The following CASR variants were observed in gnomAD, a reference collection of about 807,000 sequenced individuals.
CASR encodes extracellular calcium-sensing receptor.
CASR carries 23 observed loss-of-function variants against 69.1 expected under a neutral mutation model. That is an observed-to-expected ratio of 0.33 (90% CI 0.24 to 0.47). The LOEUF is 0.47. Among genes scored for constraint, CASR ranks in the 20% least tolerant of loss-of-function variants. CASR has a pLI of 1.00. For synonymous variants in CASR, 541 were observed against 544.7 expected, an observed-to-expected ratio of 0.99 and a Z score of 0.10; for missense variants, 924 against 1,356.1, an observed-to-expected ratio of 0.68 and a Z score of 5.00.
chr3:122,191,699 G>C (rs542962891), intron 1 of CASR, among the ~76,000 whole-genome samples: 3 of 152,094 alleles, frequency 2.0e-5, no homozygotes. Context: ...AAGCCAAAAG[G>C]TTCAAATTTG....
chr3:122,263,920 CTT>C (rs2074656911), intron 4 of CASR, among the ~76,000 whole-genome samples: 1 of 152,120 alleles, frequency 6.6e-6, no homozygotes, highest in Non-Finnish European at 1.5e-5. Context: ...TTACTATTGT[CTT>C]TTCTTTCTTA....
rs775628717 is a variant in CASR, at chr3:122,257,161, C to G, written c.266C>G (p.Pro89Arg). 3 of 1,614,038 alleles carry G rather than the reference C, an allele frequency of 1.9e-6. No homozygotes were observed. The African/African-American group carries it at 4.0e-5, about 22-fold the overall frequency. The change falls in exon 3 of 7, where the codon CCC becomes CGC. Residue 89 changes from proline to arginine, a missense_variant. Physicochemically the swap from Pro to Arg is moderately radical, Grantham distance 103 (BLOSUM62 -2). Around this residue, in one of 8 missense-constraint regions of CASR, gnomAD observed 141 missense variants for 283.0 expected, o/e 0.50. Transcript: ENST00000639785. ...EEINSSPALL[P>R]NLTLGYRIFD... ...ATAAACAGCAGCCCAGCCCTTCTTC[C>G]CAACTTGACGCTGGGATACAGGATA... is the stretch of plus-strand genomic sequence containing the variant.
At chr3:122,202,986 G>A (rs1023620725) in intron 1 of CASR, among the ~76,000 whole-genome samples, 5 of 152,168 alleles carry the variant, frequency 3.3e-5, no homozygotes, top group African/African-American at 1.2e-4. Context: ...CTGCTTCTGA[G>A]CTCTGTTCTG....
At chr3:122,259,120 C>A (rs2107629529) in intron 3 of CASR, among the ~76,000 whole-genome samples, 1 of 152,122 alleles carries the variant, frequency 6.6e-6, no homozygotes, top group Admixed American at 6.5e-5. Flanking sequence ...GGGGTTGGGG[C>A]ACAAAATGGT....
rs1389988414 is a variant in CASR, at chr3:122,284,036, C to T, written c.2082C>T (p.Cys694=). The T allele has an allele frequency of 6.2e-7, 1 of 1,614,068 alleles. No homozygotes were observed. The highest frequency in any genetic ancestry group is 1.3e-5 in the African/African-American group (1 of 74,940). ...FGISFVLCIS[C]ILVKTNRVLL... ...TCAGCTTCGTGCTCTGCATCTCATG[C>T]ATCCTGGTGAAAACCAACCGTGTCC... Residue 694 remains cysteine (C), a synonymous_variant, in exon 7 of 7, where the codon TGC becomes TGT. Transcript: ENST00000639785.
At chr3:122,226,847 C>T (rs541185253) in intron 1 of CASR, among the ~76,000 whole-genome samples, 7 of 150,566 alleles carry the variant, frequency 4.6e-5, no homozygotes, top group Non-Finnish European at 7.4e-5. Context: ...TGCATTCACA[C>T]ACCCTGAGCT....
chr3:122,193,632 T>G (rs1014841660), intron 1 of CASR, among the ~76,000 whole-genome samples: 2 of 152,220 alleles, frequency 1.3e-5, no homozygotes, highest in Non-Finnish European at 1.5e-5. Flanking sequence ...AATGGAAAGT[T>G]TCTTGGCCAA....
chr3:122,281,994 G>A (rs566852253), intron 5 of CASR, 119 bp from the exon 6 acceptor site: 188 of 1,448,000 alleles, frequency 1.3e-4, no homozygotes, highest in African/African-American at 1.0e-3. Context: ...TGGGCCCAAC[G>A]TCTGTCACAC....
chr3:122,192,725 A>G (rs1162156814), intron 1 of CASR, among the ~76,000 whole-genome samples: 2 of 152,208 alleles, frequency 1.3e-5, no homozygotes, highest in East Asian at 3.8e-4. Context: ...TTCTTAATGC[A>G]TAGATTACCA....
chr3:122,233,045 G>A (rs879578763), intron 1 of CASR, among the ~76,000 whole-genome samples: 2 of 152,158 alleles, frequency 1.3e-5, no homozygotes, highest in East Asian at 3.9e-4. Flanking sequence ...TGGCTCGGAG[G>A]AGTGACTGCT....
intron 1 of CASR, among the ~76,000 whole-genome samples, chr3:122,238,638 AAC>A (rs2074352406): frequency 6.6e-6 from 1 of 152,206 alleles, no homozygotes; most frequent in South Asian, 2.1e-4. Flanking sequence ...AACCCCAGGT[AAC>A]ACAGCTCACA....
At chr3:122,203,566 G>A (rs1488513699) in intron 1 of CASR, among the ~76,000 whole-genome samples, 1 of 151,854 alleles carries the variant, frequency 6.6e-6, no homozygotes, top group Non-Finnish European at 1.5e-5. Context: ...GGTATAAAAG[G>A]CCAAAAAAAG....
At chr3:122,210,618 G>A (rs1395501986) in intron 1 of CASR, among the ~76,000 whole-genome samples, 1 of 152,144 alleles carries the variant, frequency 6.6e-6, no homozygotes, top group Non-Finnish European at 1.5e-5. Context: ...AACATTCCAT[G>A]CTCATGAATA....
At chr3:122,215,471 T>C (rs2074108975) in intron 1 of CASR, among the ~76,000 whole-genome samples, 2 of 152,352 alleles carry the variant, frequency 1.3e-5, no homozygotes, top group Admixed American at 1.3e-4. Flanking sequence ...TTAAGAAACC[T>C]CTTTCTATTG....
chr3:122,188,287 G>A lies in CASR; in HGVS notation c.-243+4475G>A, dbSNP rs527669379. On this transcript the variant is annotated intron_variant, in intron 1 of 6. Transcript: ENST00000639785. ...AAACTAGCTAAATGCTTGAGATATCGTCAAAGTAGACTCCACCACAGAACT... is the reference window on the plus strand; with the variant it reads ...AAACTAGCTAAATGCTTGAGATATCATCAAAGTAGACTCCACCACAGAACT... 2.8e-4 allele frequency among the ~76,000 whole-genome samples: 42 copies of A among 152,308 alleles called. No homozygotes were observed. In the South Asian group the frequency reaches 6.4e-3, roughly 23 times the overall value.
chr3:122,267,402 A>G (rs2074706942), intron 4 of CASR, among the ~76,000 whole-genome samples: 1 of 152,226 alleles, frequency 6.6e-6, no homozygotes, highest in Admixed American at 6.5e-5. Flanking sequence ...GTACAATACA[A>G]TTCAGGTTAG....
chr3:122,211,168 A>G (rs1050606060), intron 1 of CASR, among the ~76,000 whole-genome samples: 1 of 152,236 alleles, frequency 6.6e-6, no homozygotes, highest in Non-Finnish European at 1.5e-5. Flanking sequence ...CATTCAGGAC[A>G]TAGGCACGGG....
At chr3:122,211,760 C>T (rs2107595826) in intron 1 of CASR, among the ~76,000 whole-genome samples, 1 of 151,086 alleles carries the variant, frequency 6.6e-6, no homozygotes, top group Middle Eastern at 3.4e-3. Context: ...AGGACGTGAA[C>T]AGACACTTCT....
At chr3:122,208,132 T>G (rs1029725648) in intron 1 of CASR, among the ~76,000 whole-genome samples, 6 of 152,212 alleles carry the variant, frequency 3.9e-5, no homozygotes, top group Admixed American at 3.3e-4. Context: ...TTAAGTAGTA[T>G]CTACTTACAA....
Sources: gnomAD v4.1 joint callset for allele counts (sites outside exome capture counted in the v4.1 genomes callset) on GRCh38, gnomAD v4.1.1 for gene constraint, gnomAD v4.1.1 regional missense constraint, MANE v1.5 for transcripts, NCBI Gene and HGNC (gene_info 2026-07-23, HGNC 2026-07-21) for gene names.